The following RNF150 variants were observed in gnomAD, a reference collection of about 807,000 sequenced individuals.
The protein encoded by RNF150 is ring finger protein 150.
Under a neutral mutation model 39.3 loss-of-function variants are expected in RNF150, and 24 were observed. That is an observed-to-expected ratio of 0.61 (90% CI 0.44 to 0.86). RNF150 has a LOEUF of 0.86. RNF150 is among the 40% of genes least tolerant of loss of function. RNF150 has a pLI of 0.00. For missense variants in RNF150, 502 were observed against 587.8 expected (o/e 0.85, Z 1.51); for synonymous variants, 255 against 227.3 (o/e 1.12, Z -1.10).
intron 1 of RNF150, among the ~76,000 whole-genome samples, chr4:141,155,925 AG>A (rs1173625447): frequency 9.1e-6 from 1 of 110,100 alleles, no homozygotes; most frequent in Non-Finnish European, 1.9e-5. Context: ...AGGAAAGAAA[AG>A]TCTGGTGGTT....
intron 1 of RNF150, among the ~76,000 whole-genome samples, chr4:141,051,600 GC>G (rs1736779339): frequency 6.6e-6 from 1 of 152,164 alleles, no homozygotes; most frequent in South Asian, 2.1e-4. Context: ...CAGTCTCTTT[GC>G]TAAAAATTAA....
chr4:140,959,758 G>A lies in RNF150; in HGVS notation c.735+7865C>T, dbSNP rs183625275. On this transcript the variant is annotated intron_variant, in intron 2 of 6. Transcript: ENST00000515673. ...CAGAGTGTCATTGTGCACTGGGAAG[G>A]CAAGGTGTAAGGCAAGGAGAGAAAA... Among the ~76,000 whole-genome samples the A allele has an allele frequency of 2.2e-4, 34 of 152,232 alleles. No homozygotes were observed. In the East Asian group the frequency reaches 2.7e-3, roughly 12 times the overall value.
Position 141,132,389 on chromosome 4 carries a change from G to A in RNF150, c.420C>T (p.Ala140=), listed in dbSNP as rs1190127735. 1.9e-6 allele frequency: 3 copies of A among 1,603,822 alleles called. No individual in the cohort carries two copies. Among genetic ancestry groups the A allele is most frequent in the Non-Finnish European group, 1.7e-6 (2 of 1,175,776 alleles). Residue 140 remains alanine (A), a synonymous_variant, in exon 1 of 7, where the codon GCC becomes GCT. Transcript: ENST00000515673. The surrounding 1 kb of genome is among the most constrained non-coding windows in gnomAD (Gnocchi z 4.9). ...CCACGTTGAAGATGACCACGGCTGA[G>A]GCGTTCTGCAGGAACGCGTTCCGGA... ...DKIRNAFLQN[A]SAVVIFNVGS...
intron 1 of RNF150, among the ~76,000 whole-genome samples, chr4:140,997,526 A>G (rs111712100): frequency 0.076 from 11,533 of 151,980 alleles, 493 homozygotes; most frequent in Middle Eastern, 0.16. Context: ...GAAGGAATCA[A>G]CTCTGCTGAT....
chr4:141,132,650 C>A lies in RNF150; in HGVS notation c.159G>T (p.Pro53=). The change falls in exon 1 of 7, where the codon CCG becomes CCT. Residue 53 remains proline, a synonymous_variant. Transcript: ENST00000515673. The surrounding 1 kb of genome is among the most constrained non-coding windows in gnomAD (Gnocchi z 4.9). The stretch of plus-strand genomic sequence containing the variant: ...CGCCCGCCGCCCCGGCCCCGGGGTC[C>A]GGCGCGGGCTCGGCGTAGGTGATGT... ...FVNITYAEPA[P]DPGAGAAGGG... 2 of 1,601,140 alleles carry A rather than the reference C, an allele frequency of 1.2e-6. No individual in the cohort carries two copies. The highest frequency in any genetic ancestry group is 1.7e-4 in the Middle Eastern group (1 of 5,936).
At chr4:140,874,686 A>G (rs1310605177) in intron 6 of RNF150, among the ~76,000 whole-genome samples, 5 of 152,110 alleles carry the variant, frequency 3.3e-5, no homozygotes, top group Non-Finnish European at 5.9e-5. Context: ...GTCTCGGCTC[A>G]TGGCAGCCTC....
At position 141,083,650 on chromosome 4, in the gene RNF150, C is replaced by T. The variant is rs555953412; in HGVS notation, c.484+48675G>A. Among the ~76,000 whole-genome samples, 11 of 151,938 alleles carry T rather than the reference C, an allele frequency of 7.2e-5. No homozygotes were observed. In the East Asian group the frequency reaches 2.1e-3, roughly 29 times the overall value. ...CAGGAAGACAGTCCATTTTTCCCTT[C>T]TTTTTTTCCCCAAAGGCAAAAAAAA... On this transcript the variant is annotated intron_variant, in intron 1 of 6. Transcript: ENST00000515673.
intron 4 of RNF150, among the ~76,000 whole-genome samples, chr4:140,939,779 G>A (rs1224162388): frequency 2.0e-5 from 3 of 152,074 alleles, no homozygotes; most frequent in Non-Finnish European, 4.4e-5. Flanking sequence ...AAAGACATGA[G>A]CATGTTTTAA....
intron 6 of RNF150, among the ~76,000 whole-genome samples, chr4:140,895,700 T>C (rs928928839): frequency 1.2e-4 from 19 of 152,322 alleles, no homozygotes; most frequent in Admixed American, 9.2e-4. Flanking sequence ...TGTAGCCTTG[T>C]TGTCTTATCC....
At chr4:141,198,620 C>A (rs1426415665) in intron 1 of RNF150, among the ~76,000 whole-genome samples, 1 of 152,112 alleles carries the variant, frequency 6.6e-6, no homozygotes, top group Non-Finnish European at 1.5e-5. Context: ...GTCCAGAGGA[C>A]CAGGACTAAA....
intron 6 of RNF150, among the ~76,000 whole-genome samples, chr4:140,892,735 G>T (rs1729799192): frequency 6.9e-6 from 1 of 145,726 alleles, no homozygotes; most frequent in South Asian, 2.1e-4. Flanking sequence ...TCCCCCTGGG[G>T]AGGGATGTAG....
intron 1 of RNF150, among the ~76,000 whole-genome samples, chr4:141,062,947 T>C (rs1313810803): frequency 6.6e-6 from 1 of 152,176 alleles, no homozygotes; most frequent in Non-Finnish European, 1.5e-5. Context: ...TTTCTGTTCC[T>C]GTGTAAATTT....
chr4:141,129,531 T>C (rs1472984184), intron 1 of RNF150, among the ~76,000 whole-genome samples: 1 of 152,182 alleles, frequency 6.6e-6, no homozygotes, highest in Non-Finnish European at 1.5e-5. Flanking sequence ...TAGAACTAGA[T>C]AGTGATGATG....
intron 1 of RNF150, among the ~76,000 whole-genome samples, chr4:140,988,141 T>C (rs1734072493): frequency 1.3e-5 from 2 of 152,192 alleles, no homozygotes; most frequent in Admixed American, 1.3e-4. Flanking sequence ...GGAATGCTAA[T>C]ACACTGCTGG....
At chr4:140,908,491 A>AT (rs1374933856) in intron 6 of RNF150, among the ~76,000 whole-genome samples, 1 of 152,158 alleles carries the variant, frequency 6.6e-6, no homozygotes, top group African/African-American at 2.4e-5. Context: ...AGGTATTGTC[A>AT]TATCACTCTT....
At chr4:141,187,672 A>G (rs1160927244) in intron 1 of RNF150, among the ~76,000 whole-genome samples, 1 of 151,804 alleles carries the variant, frequency 6.6e-6, no homozygotes, top group African/African-American at 2.4e-5. Flanking sequence ...TAGGATTGCA[A>G]CCCCTGCTTT....
intron 6 of RNF150, among the ~76,000 whole-genome samples, chr4:140,908,543 G>A (rs1730477845): frequency 6.6e-6 from 1 of 151,820 alleles, no homozygotes. Flanking sequence ...CTTTGAAATT[G>A]CCTGGCTTTC....
intron 1 of RNF150, among the ~76,000 whole-genome samples, chr4:141,110,317 T>C (rs1739346047): frequency 6.6e-6 from 1 of 152,158 alleles, no homozygotes; most frequent in Non-Finnish European, 1.5e-5. Context: ...TCCCACCCTT[T>C]AAAGGATGAG....
chr4:141,087,069 C>T (rs1428778243), intron 1 of RNF150, among the ~76,000 whole-genome samples: 2 of 152,036 alleles, frequency 1.3e-5, no homozygotes, highest in African/African-American at 4.8e-5. Context: ...GTTTGTTGTA[C>T]ATATTATTAC....
Sources: allele counts gnomAD v4.1 joint callset (sites outside exome capture counted in the v4.1 genomes callset), GRCh38; gene constraint gnomAD v4.1.1; non-coding constraint Gnocchi (gnomAD v3.1); transcripts MANE v1.5; gene names NCBI Gene and HGNC (gene_info 2026-07-23, HGNC 2026-07-21).